Variants in KATNAL2 observed in about 807,000 individuals in gnomAD.
KATNAL2 encodes katanin p60 ATPase-containing subunit A-like 2.
KATNAL2 carries 52 observed loss-of-function variants against 76.3 expected under a neutral mutation model. The ratio of observed to expected loss-of-function variants is 0.68; its 90% CI spans 0.55 to 0.86. The LOEUF (loss-of-function observed/expected upper bound fraction) is 0.86, where lower values mean the gene tolerates loss of function less well. Ranked by LOEUF, KATNAL2 falls within the 40% of genes least tolerant of loss-of-function variation. The pLI, the probability that KATNAL2 is intolerant of heterozygous loss-of-function variation, is 0.00. For missense variants in KATNAL2, 660 were observed against 668.9 expected (o/e 0.99, Z 0.15); for synonymous variants, 243 against 244.2 (o/e 1.00, Z 0.05).
At chr18:46,947,527 T>C (rs956921788) in intron 3 of KATNAL2, among the ~76,000 whole-genome samples, 3 of 151,714 alleles carry the variant, frequency 2.0e-5, no homozygotes, top group Non-Finnish European at 4.4e-5. Flanking sequence ...GCGATGAACA[T>C]GAATTGAGGA....
chr18:47,032,760 T>C lies in KATNAL2; in HGVS notation c.52-13697T>C, dbSNP rs949571415. On this transcript the variant is annotated intron_variant, in intron 3 of 17. Transcript: ENST00000683218. ...AAAAATTATCAGTGAACATCCAAAA[T>C]AGAATTGTTCCCAATGCGTTCATAT... 80 of 656,392 alleles carry C rather than the reference T, an allele frequency of 1.2e-4. 1 individual carries two copies. The highest frequency in any genetic ancestry group is 3.1e-5 in the Admixed American group (1 of 31,774). The allele number at this position is 656,392 out of a possible 1,614,324, so 40.7% of individuals were successfully genotyped here. A position where few individuals can be genotyped will look rare whatever the true frequency, so the allele number is the denominator to read the frequency against.
intron 3 of KATNAL2, among the ~76,000 whole-genome samples, chr18:46,967,184 C>T (rs2060158632): frequency 8.3e-6 from 1 of 120,124 alleles, no homozygotes; most frequent in Admixed American, 7.7e-5. Context: ...TGGATTATGT[C>T]CCCTTCCCCG....
chr18:47,083,481 C>T (rs964952194), intron 15 of KATNAL2, among the ~76,000 whole-genome samples: 3 of 152,150 alleles, frequency 2.0e-5, no homozygotes, highest in Non-Finnish European at 4.4e-5. Flanking sequence ...GACTTACCAC[C>T]ATTTTCTCTA....
chr18:47,063,425 G>T, intron 10 of KATNAL2, 64 bp downstream of exon 10: 1 of 1,250,910 alleles, frequency 8.0e-7, no homozygotes, highest in East Asian at 2.3e-5. Context: ...AGCTTTGTGG[G>T]CTGCTTCTTT....
intron 3 of KATNAL2, among the ~76,000 whole-genome samples, chr18:47,036,802 C>A (rs1480613511): frequency 3.9e-5 from 6 of 152,094 alleles, no homozygotes; most frequent in African/African-American, 1.2e-4. Flanking sequence ...CATAGTTGAC[C>A]AATTCTGACA....
At chr18:46,927,215 G>A (rs919864356) in intron 1 of KATNAL2, among the ~76,000 whole-genome samples, 1 of 152,110 alleles carries the variant, frequency 6.6e-6, no homozygotes, top group Non-Finnish European at 1.5e-5. Context: ...TTTTGCAGTG[G>A]CTGGTACTGG....
At position 47,033,445 on chromosome 18, in the gene KATNAL2, T is replaced by G. The variant is rs770363655; in HGVS notation, c.52-13012T>G. On this transcript the variant is annotated intron_variant, in intron 3 of 17. Transcript: ENST00000683218. ...TGGGGCGTCCGGAAGCCGCAGGTAC[T>G]GCTCCCTCCAAGTTTTGTTTTCCTG... 1.2e-5 allele frequency: 19 copies of G among 1,614,098 alleles called. No individual in the cohort carries two copies. In the East Asian group the frequency reaches 2.5e-4, roughly 21 times the overall value.
intron 3 of KATNAL2, among the ~76,000 whole-genome samples, chr18:46,950,899 G>A (rs2059533547): frequency 6.6e-6 from 1 of 152,142 alleles, no homozygotes; most frequent in South Asian, 2.1e-4. Context: ...GGCCGGGCTG[G>A]TCTCGAACTC....
At chr18:47,090,921 T>C (rs1245167041) in intron 15 of KATNAL2, among the ~76,000 whole-genome samples, 2 of 152,190 alleles carry the variant, frequency 1.3e-5, no homozygotes, top group Non-Finnish European at 2.9e-5. Context: ...CCACAGAATG[T>C]TAATAAATAT....
intron 1 of KATNAL2, among the ~76,000 whole-genome samples, chr18:46,937,192 T>G (rs1265540186): frequency 6.6e-6 from 1 of 152,068 alleles, no homozygotes; most frequent in Non-Finnish European, 1.5e-5. Context: ...ACCTCTGTGA[T>G]CTTCCTAAAT....
At chr18:46,921,277 G>C (rs781622301) in intron 1 of KATNAL2, among the ~76,000 whole-genome samples, 1 of 152,028 alleles carries the variant, frequency 6.6e-6, no homozygotes, top group South Asian at 2.1e-4. Flanking sequence ...ACAGGCACCC[G>C]CCACCATGCC....
chr18:47,063,428 G>A, intron 10 of KATNAL2, 67 bp downstream of exon 10: 1 of 1,199,436 alleles, frequency 8.3e-7, no homozygotes, highest in Admixed American at 2.0e-5. Context: ...TTTGTGGGCT[G>A]CTTCTTTTAT....
At chr18:47,035,260 G>T in intron 3 of KATNAL2, 1 of 1,612,680 alleles carries the variant, frequency 6.2e-7, no homozygotes, top group Non-Finnish European at 8.5e-7. Context: ...GGACCCTGCC[G>T]CCATCTCACC....
At position 47,069,300 on chromosome 18, in the gene KATNAL2, A is replaced by C; in HGVS notation, c.889+17A>C. 1.3e-6 allele frequency: 2 copies of C among 1,597,974 alleles called. No individual in the cohort carries two copies. Among genetic ancestry groups the C allele is most frequent in the Non-Finnish European group, 8.6e-7 (1 of 1,168,264 alleles). On this transcript the variant is annotated intron_variant, in intron 12 of 17. Coordinates refer to ENST00000683218, the MANE Select transcript of KATNAL2 (RefSeq NM_001387690.1). ...GCCCTCCAGGTAAACACAGCTTCCT[A>C]TTTTGATGTCAGTGTTAAGTGTGTG...
At chr18:46,940,915 G>T (rs2059227770) in intron 1 of KATNAL2, among the ~76,000 whole-genome samples, 1 of 152,072 alleles carries the variant, frequency 6.6e-6, no homozygotes, top group South Asian at 2.1e-4. Flanking sequence ...GTCCCACATA[G>T]TTGGGAGGCT....
intron 15 of KATNAL2, 112 bp downstream of exon 15, chr18:47,077,573 G>A (rs1484090943): frequency 2.8e-6 from 2 of 725,088 alleles, no homozygotes; most frequent in Non-Finnish European, 4.8e-6. Context: ...CTGCAGCCCT[G>A]GAAGATTAAT....
intron 15 of KATNAL2, among the ~76,000 whole-genome samples, chr18:47,088,465 AATTT>A (rs1413552070): frequency 2.0e-5 from 3 of 152,140 alleles, no homozygotes; most frequent in African/African-American, 7.2e-5. Flanking sequence ...TCATAAACAT[AATTT>A]ATTTTACACT....
intron 3 of KATNAL2, chr18:47,034,461 C>A: frequency 6.2e-7 from 1 of 1,614,166 alleles, no homozygotes; most frequent in African/African-American, 1.3e-5. Flanking sequence ...TGGCACTTGC[C>A]CAGGAGGGCA....
chr18:47,042,740 T>A (rs1274996653), intron 3 of KATNAL2, among the ~76,000 whole-genome samples: 1 of 152,152 alleles, frequency 6.6e-6, no homozygotes, highest in African/African-American at 2.4e-5. Flanking sequence ...CAGTTCAGGA[T>A]ATCCCCTATC....
Sources: gnomAD v4.1 joint callset for allele counts (sites outside exome capture counted in the v4.1 genomes callset) on GRCh38, gnomAD v4.1.1 for gene constraint, MANE v1.5 for transcripts, NCBI Gene and HGNC (gene_info 2026-07-23, HGNC 2026-07-21) for gene names.